The following MCF2L variants were observed in gnomAD, a reference collection of about 807,000 sequenced individuals.
MCF2L encodes the protein guanine nucleotide exchange factor DBS.
A neutral mutation model predicts 153.4 loss-of-function variants in MCF2L; 97 were observed. The observed-to-expected ratio is 0.63, with a 90% CI of 0.54 to 0.75. MCF2L has a LOEUF of 0.75. MCF2L is among the 30% of genes least tolerant of loss of function. MCF2L has a pLI of 0.00. For missense variants in MCF2L, 1,347 were observed against 1,495.2 expected (o/e 0.90, Z 1.64); for synonymous variants, 659 against 632.2 (o/e 1.04, Z -0.64).
intron 2 of MCF2L, among the ~76,000 whole-genome samples, chr13:112,946,501 A>G (rs1162152933): frequency 6.6e-6 from 1 of 152,234 alleles, no homozygotes; most frequent in Non-Finnish European, 1.5e-5. Context: ...TCAGGGTTGT[A>G]TTCCAGAGGG....
At position 113,096,069 on chromosome 13, in the gene MCF2L, T is replaced by C. The variant is rs1463728885; in HGVS notation, c.3076-302T>C. On this transcript the variant is annotated intron_variant, in intron 27 of 29. Transcript: ENST00000535094. ...AAGACCTGAAAGCACGGAAGGGCCC[T>C]CCGGGAGGCGGGTATGCAGGCGCAA... 3 of 515,548 alleles carry C rather than the reference T, an allele frequency of 5.8e-6. No homozygotes were observed. In the South Asian group the frequency reaches 6.7e-5, roughly 11 times the overall value. 31.9% of individuals were successfully genotyped at this position (515,548 alleles called of 1,614,324 possible). A position where few individuals can be genotyped will look rare whatever the true frequency, so the allele number is the denominator to read the frequency against.
intron 2 of MCF2L, chr13:112,909,348 C>A: frequency 2.6e-6 from 2 of 777,200 alleles, no homozygotes; most frequent in East Asian, 2.4e-5. Flanking sequence ...TGTCTACAGA[C>A]CCGGCCTCCC....
chr13:113,077,999 C>T (rs934390906), intron 13 of MCF2L, among the ~76,000 whole-genome samples: 1 of 152,350 alleles, frequency 6.6e-6, no homozygotes, highest in African/African-American at 2.4e-5. Flanking sequence ...GCTGTGGGAA[C>T]GTGGGGTGAC....
Position 112,960,150 on chromosome 13 carries a change from A to G in MCF2L, c.170-54613A>G, listed in dbSNP as rs2081807043. On this transcript the variant is annotated intron_variant, in intron 2 of 29. Transcript: ENST00000375608. The surrounding 1 kb of genome is among the most constrained non-coding windows in gnomAD (Gnocchi z 4.2). ...GAGTATCACAGATTGGGTAATTTAC[A>G]CACAATGGAAGTTTAGTTGGCTCAT... 6.6e-6 allele frequency among the ~76,000 whole-genome samples: 1 copy of G among 152,238 alleles called. No homozygotes were observed. Among genetic ancestry groups the G allele is most frequent in the Admixed American group, 6.5e-5 (1 of 15,290 alleles).
At chr13:112,968,080 T>C (rs1221542120), upstream of MCF2L, 1 of 209,470 alleles carries the variant, frequency 4.8e-6, no homozygotes, top group Non-Finnish European at 9.6e-6. Context: ...TGGAAATGTG[T>C]ACTTCTTCCT....
At chr13:112,985,203 A>T in intron 1 of MCF2L, 1 of 351,082 alleles carries the variant, frequency 2.8e-6, no homozygotes, top group South Asian at 2.1e-5. Flanking sequence ...ATCGGCCTCC[A>T]GGAGGGTAAT....
At chr13:113,082,728 TGGCACC>T (rs1380675027) in intron 17 of MCF2L, among the ~76,000 whole-genome samples, 186 bp downstream of exon 17, 1 of 152,194 alleles carries the variant, frequency 6.6e-6, no homozygotes, top group Non-Finnish European at 1.5e-5. Flanking sequence ...AGCGCCCACG[TGGCACC>T]GTACCTGGTG....
intron 4 of MCF2L, among the ~76,000 whole-genome samples, chr13:113,057,693 T>G (rs2030395715): frequency 1.4e-5 from 2 of 143,046 alleles, no homozygotes; most frequent in Non-Finnish European, 3.0e-5. Context: ...GGGTGCTGAG[T>G]GTTTGGGTGC....
At chr13:113,056,455 G>A (rs2087789669) in intron 4 of MCF2L, among the ~76,000 whole-genome samples, 1 of 150,144 alleles carries the variant, frequency 6.7e-6, no homozygotes, top group Non-Finnish European at 1.5e-5. Flanking sequence ...GGCGCTGAGT[G>A]GGTGCTGTGT....
intron 20 of MCF2L, 139 bp downstream of exon 20, chr13:113,085,317 G>A (rs1226865295): frequency 2.9e-6 from 2 of 697,368 alleles, no homozygotes; most frequent in Non-Finnish European, 4.9e-6. Context: ...CTGAGGCTGG[G>A]ATGCCTTTCG....
chr13:112,923,951 T>C (rs1485188632), intron 2 of MCF2L, among the ~76,000 whole-genome samples: 1 of 152,192 alleles, frequency 6.6e-6, no homozygotes, highest in Non-Finnish European at 1.5e-5. Flanking sequence ...AATTGGGGTT[T>C]GTCTAATGTT....
chr13:112,969,235 G>C lies in MCF2L; in HGVS notation c.-145G>C, dbSNP rs951517705. The C allele has an allele frequency of 5.2e-6, 7 of 1,352,336 alleles. No homozygotes were observed. Among genetic ancestry groups the C allele is most frequent in the African/African-American group, 1.5e-5 (1 of 66,102 alleles). The allele number at this position is 1,352,336 out of a possible 1,614,324, so 83.8% of individuals were successfully genotyped here. On this transcript the variant is annotated 5_prime_UTR_variant, in exon 1 of 30. Coordinates refer to ENST00000535094, the MANE Select transcript of MCF2L (RefSeq NM_001112732.3). The surrounding 1 kb of genome is among the most constrained non-coding windows in gnomAD (Gnocchi z 4.8). Reference sequence around the variant, plus strand: ...TGGCGCGGAACCAATCCTGGGCAGGGAGGCGGCGGCTGGAGGCTGAAAGCG... The same window carrying C: ...TGGCGCGGAACCAATCCTGGGCAGGCAGGCGGCGGCTGGAGGCTGAAAGCG...
intron 5 of MCF2L, among the ~76,000 whole-genome samples, chr13:113,063,505 C>A (rs1368991424): frequency 1.3e-5 from 2 of 151,984 alleles, no homozygotes; most frequent in African/African-American, 4.8e-5. Flanking sequence ...CAGCTGCCCA[C>A]AGCGTTCAGG....
chr13:112,935,316 G>A (rs1183080657), intron 2 of MCF2L, among the ~76,000 whole-genome samples: 1 of 152,124 alleles, frequency 6.6e-6, no homozygotes, highest in Non-Finnish European at 1.5e-5. Context: ...GAAGTGCGGT[G>A]GCACGATCTC....
At chr13:113,066,726 G>A (rs74351751) in intron 8 of MCF2L, among the ~76,000 whole-genome samples, 2,553 of 33,142 alleles carry the variant, frequency 0.077, 181 homozygotes, top group East Asian at 0.4. Flanking sequence ...GCCTCCCCCC[G>A]TCCCATCCTC....
chr13:113,063,433 CACA>C (rs2031855528), intron 5 of MCF2L, among the ~76,000 whole-genome samples: 1 of 122,650 alleles, frequency 8.2e-6, no homozygotes, highest in Non-Finnish European at 1.8e-5. Context: ...CACAGCCGCC[CACA>C]GCGTTCAGGC....
chr13:113,096,087 A>T, intron 27 of MCF2L: 1 of 538,678 alleles, frequency 1.9e-6, no homozygotes, highest in Non-Finnish European at 3.3e-6. Context: ...GCGGGTATGC[A>T]GGCGCAAAGG....
intron 1 of MCF2L, among the ~76,000 whole-genome samples, chr13:112,990,080 C>G (rs540312754): frequency 1.4e-4 from 21 of 152,338 alleles, no homozygotes; most frequent in African/African-American, 3.6e-4. Context: ...CTGCTTACCC[C>G]CTGTTCACTC....
chr13:112,897,539 T>A (rs2081079652), intron 1 of MCF2L, among the ~76,000 whole-genome samples: 1 of 152,142 alleles, frequency 6.6e-6, no homozygotes. Flanking sequence ...GGATGAAATG[T>A]AGGATGTAAG....
Sources: allele counts gnomAD v4.1 joint callset (sites outside exome capture counted in the v4.1 genomes callset), GRCh38; gene constraint gnomAD v4.1.1; non-coding constraint Gnocchi (gnomAD v3.1); transcripts MANE v1.5; gene names NCBI Gene and HGNC (gene_info 2026-07-23, HGNC 2026-07-21).